The following ZFYVE1 variants were observed in gnomAD, a reference collection of about 807,000 sequenced individuals.
ZFYVE1 encodes zinc finger FYVE domain-containing protein 1.
ZFYVE1 carries 30 observed loss-of-function variants against 74.4 expected under a neutral mutation model. The observed-to-expected ratio is 0.40, with a 90% CI of 0.30 to 0.55. The LOEUF is 0.55. ZFYVE1 is among the 20% of genes least tolerant of loss of function. ZFYVE1 has a pLI of 0.42. For synonymous variants in ZFYVE1, 335 were observed against 385.1 expected, an observed-to-expected ratio of 0.87 and a Z score of 1.52; for missense variants, 703 against 1,011.6, an observed-to-expected ratio of 0.69 and a Z score of 4.14.
At chr14:73,023,947 G>T in intron 2 of ZFYVE1, 79 bp downstream of exon 2, 1 of 1,536,286 alleles carries the variant, frequency 6.5e-7, no homozygotes, top group African/African-American at 1.4e-5. Flanking sequence ...TCTCTTCTTG[G>T]ACATCGTTTT....
intron 8 of ZFYVE1, among the ~76,000 whole-genome samples, chr14:72,976,207 TGAAGGAAG>T (rs138557601): frequency 6.6e-6 from 1 of 151,984 alleles, no homozygotes; most frequent in Non-Finnish European, 1.5e-5. Flanking sequence ...GAATAATGAA[TGAAGGAAG>T]GAAGGAAGGA....
intron 2 of ZFYVE1, among the ~76,000 whole-genome samples, chr14:73,013,953 G>A (rs1000217832): frequency 6.6e-6 from 1 of 152,092 alleles, no homozygotes; most frequent in African/African-American, 2.4e-5. Flanking sequence ...TAAACTCAAG[G>A]GTGGTTCAGC....
intron 3 of ZFYVE1, among the ~76,000 whole-genome samples, chr14:72,996,482 C>G (rs775716155): frequency 6.6e-6 from 1 of 152,168 alleles, no homozygotes; most frequent in Non-Finnish European, 1.5e-5. Context: ...CAGCCTCAAC[C>G]TCTCAGGCTC....
chr14:73,020,526 G>A (rs1894296361), intron 2 of ZFYVE1, among the ~76,000 whole-genome samples: 1 of 152,006 alleles, frequency 6.6e-6, no homozygotes, highest in Non-Finnish European at 1.5e-5. Context: ...CTAATTTTTT[G>A]TATTTTTAGT....
Position 72,970,902 on chromosome 14 carries a change from T to A in ZFYVE1, c.2314A>T (p.Lys772Ter). ...HPVRVCFNCN[K>*]KPGDL is the part of the protein sequence containing the mutation. ...TGGGGTTAAAGGTCACCGGGCTTTT[T>A]ATTGCAGTTGAAGCAGACTCGGACG... The change falls in exon 12 of 12, where the codon AAA (lysine) becomes TAA (stop). Residue 772 changes from lysine (K) to a stop codon, truncating the protein, a stop_gained. Coordinates refer to ENST00000556143, the MANE Select transcript of ZFYVE1 (RefSeq NM_021260.4). LOFTEE classifies it high-confidence loss of function. 6.2e-7 allele frequency: 1 copy of A among 1,614,192 alleles called. No individual in the cohort carries two copies.
intron 2 of ZFYVE1, among the ~76,000 whole-genome samples, chr14:73,006,321 T>A (rs1456776517): frequency 6.6e-6 from 1 of 151,984 alleles, no homozygotes; most frequent in African/African-American, 2.4e-5. Context: ...ACGCCTGTAA[T>A]CCCAGCACTT....
chr14:72,974,267 A>G, intron 10 of ZFYVE1, 74 bp from the exon 11 acceptor site: 1 of 1,384,734 alleles, frequency 7.2e-7, no homozygotes, highest in South Asian at 1.2e-5. Flanking sequence ...GACCAATAGC[A>G]GAACGCTTCT....
intron 4 of ZFYVE1, among the ~76,000 whole-genome samples, chr14:72,987,471 G>A (rs369325202): frequency 1.3e-5 from 2 of 152,282 alleles, no homozygotes; most frequent in East Asian, 1.9e-4. Context: ...GAGAGGCTGC[G>A]GTGGGATGAT....
At chr14:73,022,801 G>A (rs919431581) in intron 2 of ZFYVE1, among the ~76,000 whole-genome samples, 2 of 151,994 alleles carry the variant, frequency 1.3e-5, no homozygotes, top group African/African-American at 4.8e-5. Context: ...TCAGACTCAA[G>A]CCAAATATCC....
intron 2 of ZFYVE1, among the ~76,000 whole-genome samples, chr14:73,019,363 C>T (rs1190502886): frequency 1.3e-5 from 2 of 151,840 alleles, no homozygotes; most frequent in East Asian, 3.9e-4. Flanking sequence ...GGAAGGATTG[C>T]TTGAGCCCAG....
chr14:73,015,405 G>GGGGGAAGGAAGAGGGGAAGGAA (rs1894180341), intron 2 of ZFYVE1, among the ~76,000 whole-genome samples: 6 of 246 alleles, frequency 0.024, no homozygotes, highest in Admixed American at 0.17. Context: ...GGGAAGGAAG[G>GGGGGAAGGAAGAGGGGAAGGAA]GGGGGGAAGG....
chr14:72,990,922 A>C (rs1050241142), intron 4 of ZFYVE1, among the ~76,000 whole-genome samples: 9 of 150,492 alleles, frequency 6.0e-5, no homozygotes, highest in Admixed American at 6.0e-4. Context: ...CTGGCCTCGA[A>C]CTCCTAGCCT....
chr14:72,998,363 A>G (rs540820072), intron 2 of ZFYVE1, 48 bp from the exon 3 acceptor site: 1 of 1,453,330 alleles, frequency 6.9e-7, no homozygotes, highest in Admixed American at 2.4e-5. Context: ...CTGTAAAAGC[A>G]CTAGAAACAC....
At chr14:72,988,708 G>A (rs983442994) in intron 4 of ZFYVE1, among the ~76,000 whole-genome samples, 20 of 151,020 alleles carry the variant, frequency 1.3e-4, no homozygotes, top group Middle Eastern at 3.4e-3. Context: ...TTGGGAGGCT[G>A]AGGCATGAGA....
chr14:73,011,766 C>T (rs1211792903), intron 2 of ZFYVE1, among the ~76,000 whole-genome samples: 1 of 150,482 alleles, frequency 6.6e-6, no homozygotes, highest in African/African-American at 2.4e-5. Flanking sequence ...AGGTGATCCA[C>T]CTGCCTCTGC....
chr14:72,993,452 T>G, intron 3 of ZFYVE1, 95 bp from the exon 4 acceptor site: 2 of 1,186,660 alleles, frequency 1.7e-6, no homozygotes, highest in South Asian at 1.7e-5. Flanking sequence ...CCTGTAACCC[T>G]AGCACTTTGG....
intron 3 of ZFYVE1, among the ~76,000 whole-genome samples, chr14:72,995,605 A>C (rs4903086): frequency 0.49 from 74,677 of 151,988 alleles, 18,920 homozygotes; most frequent in African/African-American, 0.59. Context: ...CCCTCACTAA[A>C]ACTGTAAAGA....
intron 2 of ZFYVE1, among the ~76,000 whole-genome samples, chr14:73,022,411 G>C (rs577236787): frequency 6.6e-6 from 1 of 152,202 alleles, no homozygotes; most frequent in South Asian, 2.1e-4. Context: ...CTCCAAACTG[G>C]AAACCTAAGG....
At chr14:72,996,740 T>A (rs1191080592) in intron 3 of ZFYVE1, among the ~76,000 whole-genome samples, 2 of 152,198 alleles carry the variant, frequency 1.3e-5, no homozygotes, top group Admixed American at 1.3e-4. Flanking sequence ...ACCGTACCTG[T>A]AAGTACGGAG....
Sources: gnomAD v4.1 joint callset for allele counts (sites outside exome capture counted in the v4.1 genomes callset) on GRCh38, gnomAD v4.1.1 for gene constraint, MANE v1.5 for transcripts, NCBI Gene and HGNC (gene_info 2026-07-23, HGNC 2026-07-21) for gene names.